The following PRKD1 variants were observed in gnomAD, a reference collection of about 807,000 sequenced individuals.
PRKD1 encodes serine/threonine-protein kinase D1.
PRKD1 carries 63 observed loss-of-function variants against 95.9 expected under a neutral mutation model. That is an observed-to-expected ratio of 0.66 (90% CI 0.54 to 0.81). PRKD1 has a LOEUF of 0.81. PRKD1 is among the 30% of genes least tolerant of loss of function. The pLI, the probability that PRKD1 is intolerant of heterozygous loss-of-function variation, is 0.00. For synonymous variants in PRKD1, 425 were observed against 423.1 expected, an observed-to-expected ratio of 1.00 and a Z score of -0.05; for missense variants, 1,048 against 1,165.3, an observed-to-expected ratio of 0.90 and a Z score of 1.47.
chr14:29,671,072 G>C (rs1328397824), intron 2 of PRKD1, among the ~76,000 whole-genome samples: 1 of 151,028 alleles, frequency 6.6e-6, no homozygotes, highest in Non-Finnish European at 1.5e-5. Context: ...TAGTAGCCAA[G>C]AGAGAAAAAA....
At chr14:29,716,983 T>C (rs1002641540) in intron 2 of PRKD1, among the ~76,000 whole-genome samples, 4 of 152,150 alleles carry the variant, frequency 2.6e-5, no homozygotes, top group African/African-American at 4.8e-5. Context: ...ATTTAGGAGA[T>C]AACAAGAGTC....
At chr14:29,591,531 G>A (rs906308793) in intron 16 of PRKD1, among the ~76,000 whole-genome samples, 2 of 151,992 alleles carry the variant, frequency 1.3e-5, no homozygotes, top group Non-Finnish European at 2.9e-5. Context: ...AGTTTAAGGG[G>A]GTAGAGCCTG....
intron 1 of PRKD1, among the ~76,000 whole-genome samples, chr14:29,794,700 C>G (rs904243479): frequency 1.1e-4 from 17 of 151,874 alleles, no homozygotes; most frequent in African/African-American, 3.9e-4. Flanking sequence ...CTCTTATAAT[C>G]CTCCCCCGTG....
At chr14:29,624,821 G>T (rs1879510315) in intron 12 of PRKD1, among the ~76,000 whole-genome samples, 1 of 152,092 alleles carries the variant, frequency 6.6e-6, no homozygotes, top group African/African-American at 2.4e-5. Context: ...AAAATGGTTA[G>T]TTATCATCAT....
At chr14:29,630,404 G>A (rs1484269267) in intron 10 of PRKD1, among the ~76,000 whole-genome samples, 1 of 152,120 alleles carries the variant, frequency 6.6e-6, no homozygotes, top group African/African-American at 2.4e-5. Context: ...CTCCCTAAGA[G>A]CTGGGTTTAG....
chr14:29,617,857 A>G lies in PRKD1; in HGVS notation c.1905+6295T>C, dbSNP rs539055864. On this transcript the variant is annotated intron_variant, in intron 13 of 17. Transcript: ENST00000331968. ...TGAGGTGGGAGGATGACTTAAGTTC[A>G]GAAGTTCAAGGCCAGTCTGGGTAAC... Among the ~76,000 whole-genome samples, 1,339 of 152,014 alleles carry G rather than the reference A, an allele frequency of 8.8e-3. 17 individuals carry two copies. The highest frequency in any genetic ancestry group is 0.031 in the African/African-American group (1,265 of 41,432).
chr14:29,900,813 T>C (rs2139429316), intron 1 of PRKD1, among the ~76,000 whole-genome samples: 1 of 152,102 alleles, frequency 6.6e-6, no homozygotes. Flanking sequence ...TTGGCTAAAA[T>C]AACAACTTTA....
At chr14:29,646,355 A>G (rs1484734327) in intron 4 of PRKD1, among the ~76,000 whole-genome samples, 7 of 152,166 alleles carry the variant, frequency 4.6e-5, no homozygotes, top group Admixed American at 2.6e-4. Context: ...AAATAATTTA[A>G]CTGTGTATTT....
At chr14:29,791,286 T>C (rs147612028) in intron 1 of PRKD1, among the ~76,000 whole-genome samples, 207 of 152,316 alleles carry the variant, frequency 1.4e-3, no homozygotes, top group South Asian at 2.5e-3. Context: ...ATAGGTGCTT[T>C]CATATGTGTT....
At chr14:29,654,704 T>A (rs1881736895) in intron 4 of PRKD1, among the ~76,000 whole-genome samples, 1 of 152,138 alleles carries the variant, frequency 6.6e-6, no homozygotes, top group African/African-American at 2.4e-5. Context: ...GCGGATAATT[T>A]ATCTATTTTT....
In PRKD1 at chr14:29,840,762, C is replaced by T. The variant is rs572472141; in HGVS notation, c.264+86487G>A. Among the ~76,000 whole-genome samples the T allele has an allele frequency of 1.3e-3, 201 of 152,234 alleles. 1 individual carries two copies. The highest frequency in any genetic ancestry group is 4.3e-3 in the African/African-American group (180 of 41,564). On this transcript the variant is annotated intron_variant, in intron 1 of 17. Coordinates refer to ENST00000331968, the MANE Select transcript of PRKD1 (RefSeq NM_002742.3). Reference sequence around the variant, plus strand: ...AGAGAGCTTGTGCAGAGAAACTCCCCGTTATAAAACCATTTATAAAATCAG... The same window carrying T: ...AGAGAGCTTGTGCAGAGAAACTCCCTGTTATAAAACCATTTATAAAATCAG...
chr14:29,688,948 CAAAAAAAAAAAA>C (rs377212196), intron 2 of PRKD1, among the ~76,000 whole-genome samples: 26 of 32,490 alleles, frequency 8.0e-4, no homozygotes, highest in African/African-American at 2.1e-3. Flanking sequence ...GACTCCGTCT[CAAAAAAAAAAAA>C]AAAAAAAAAA....
At chr14:29,874,837 A>T (rs1437270105) in intron 1 of PRKD1, among the ~76,000 whole-genome samples, 2 of 152,132 alleles carry the variant, frequency 1.3e-5, no homozygotes, top group African/African-American at 4.8e-5. Context: ...AGATGCTGGG[A>T]AGGGTATGAG....
rs1866666092 is a variant in PRKD1 at position 29,777,864 on chromosome 14, C to T, written c.265-52190G>A. Among the ~76,000 whole-genome samples, 4 of 152,180 alleles carry T rather than the reference C, an allele frequency of 2.6e-5. No homozygotes were observed. In the South Asian group the frequency reaches 8.3e-4, roughly 31 times the overall value. On this transcript the variant is annotated intron_variant, in intron 1 of 17. Transcript: ENST00000331968. ...ACATTCTTCTCAGCACCACATCACA[C>T]TTATTCCAAAATTGACCACAAAGTT...
chr14:29,766,507 C>G (rs1272093163), intron 1 of PRKD1, among the ~76,000 whole-genome samples: 1 of 152,080 alleles, frequency 6.6e-6, no homozygotes, highest in African/African-American at 2.4e-5. Flanking sequence ...ATGAGTATTG[C>G]CCACGAATTT....
intron 1 of PRKD1, among the ~76,000 whole-genome samples, chr14:29,730,255 G>A (rs1004019901): frequency 1.3e-5 from 2 of 151,960 alleles, no homozygotes; most frequent in Non-Finnish European, 2.9e-5. Flanking sequence ...TGGACAACAC[G>A]TATATGAAAA....
intron 2 of PRKD1, among the ~76,000 whole-genome samples, chr14:29,674,546 A>T (rs755392295): frequency 6.6e-6 from 1 of 152,248 alleles, no homozygotes; most frequent in Non-Finnish European, 1.5e-5. Context: ...CGTAGAAGAA[A>T]AAGAAAATTA....
At chr14:29,668,084 T>C (rs45533138) in intron 2 of PRKD1, among the ~76,000 whole-genome samples, 3,652 of 152,260 alleles carry the variant, frequency 0.024, 134 homozygotes, top group African/African-American at 0.078. Context: ...AATAAAACTA[T>C]GAAGTGTGGT....
At chr14:29,728,034 T>C (rs1886247721) in intron 1 of PRKD1, among the ~76,000 whole-genome samples, 1 of 151,814 alleles carries the variant, frequency 6.6e-6, no homozygotes, top group South Asian at 2.1e-4. Flanking sequence ...GGGGGAGGGA[T>C]AGCATTGGGA....
Sources: gnomAD v4.1 joint callset for allele counts (sites outside exome capture counted in the v4.1 genomes callset) on GRCh38, gnomAD v4.1.1 for gene constraint, MANE v1.5 for transcripts, NCBI Gene and HGNC (gene_info 2026-07-23, HGNC 2026-07-21) for gene names.